The following CKAP5 variants were observed in gnomAD, a reference collection of about 807,000 sequenced individuals.
The protein encoded by CKAP5 is cytoskeleton-associated protein 5.
Under a neutral mutation model 232.8 loss-of-function variants are expected in CKAP5, and 27 were observed. The ratio of observed to expected loss-of-function variants is 0.12; its 90% confidence interval spans 0.09 to 0.16. CKAP5 has a LOEUF of 0.16. CKAP5 is among the 10% of genes least tolerant of loss of function. CKAP5 has a pLI of 1.00. For missense variants in CKAP5, 1,838 were observed against 2,424.7 expected, an observed-to-expected ratio of 0.76 and a Z score of 5.08; for synonymous variants, 785 against 841.1, an observed-to-expected ratio of 0.93 and a Z score of 1.16.
At chr11:46,781,271 ATATCT>A (rs545150179) in intron 18 of CKAP5, among the ~76,000 whole-genome samples, 2 of 152,240 alleles carry the variant, frequency 1.3e-5, no homozygotes, top group African/African-American at 4.8e-5. Flanking sequence ...TACTTTTTAA[ATATCT>A]TATCAGTTAT....
chr11:46,744,658 A>G, intron 42 of CKAP5, 81 bp from the exon 43 acceptor site: 2 of 1,291,096 alleles, frequency 1.5e-6, no homozygotes, highest in Non-Finnish European at 2.2e-6. Context: ...TCCCACCAAA[A>G]AGAACAATTA....
chr11:46,769,850 A>T, intron 26 of CKAP5, 113 bp downstream of exon 26: 1 of 1,162,320 alleles, frequency 8.6e-7, no homozygotes, highest in East Asian at 2.4e-5. Context: ...AAGGAAGGAG[A>T]GCTTGGATCT....
intron 18 of CKAP5, 45 bp downstream of exon 18, chr11:46,783,229 G>A: frequency 9.0e-7 from 1 of 1,113,258 alleles, no homozygotes; most frequent in South Asian, 1.3e-5. Context: ...CTTAGAGACT[G>A]ACAGAACATT....
chr11:46,838,653 G>A lies in CKAP5; in HGVS notation c.-38+7567C>T, dbSNP rs541708435. On this transcript the variant is annotated intron_variant, in intron 1 of 43. Transcript: ENST00000529230. ...AAAAAAAAAAAAAAAAAAATTAGCC[G>A]GGTGTGGTGGCACTCGCCTGTAGTC... Among the ~76,000 whole-genome samples the A allele has an allele frequency of 5.0e-3, 730 of 147,402 alleles. 5 individuals carry two copies. The highest frequency in any genetic ancestry group is 0.018 in the African/African-American group (702 of 39,964).
intron 16 of CKAP5, among the ~76,000 whole-genome samples, chr11:46,785,478 C>T (rs751054577): frequency 2.0e-5 from 3 of 152,046 alleles, no homozygotes; most frequent in South Asian, 2.1e-4. Context: ...TACAGGCGCC[C>T]GCCACCACGC....
chr11:46,777,897 CA>C (rs1471009339), intron 22 of CKAP5, among the ~76,000 whole-genome samples: 1 of 152,124 alleles, frequency 6.6e-6, no homozygotes, highest in Non-Finnish European at 1.5e-5. Context: ...CAGTTTTATA[CA>C]AATATATTCA....
intron 1 of CKAP5, among the ~76,000 whole-genome samples, chr11:46,835,825 T>G (rs371256922): frequency 6.6e-6 from 1 of 152,162 alleles, no homozygotes; most frequent in Non-Finnish European, 1.5e-5. Context: ...AGAATAGCTA[T>G]AGAAAGGGAA....
chr11:46,759,091 C>A, intron 34 of CKAP5, 48 bp from the exon 35 acceptor site: 1 of 1,600,972 alleles, frequency 6.2e-7, no homozygotes, highest in South Asian at 1.1e-5. Context: ...TACAAGACAT[C>A]CCAGTCAGTT....
chr11:46,844,404 C>G (rs912747899), intron 1 of CKAP5, among the ~76,000 whole-genome samples: 5 of 151,866 alleles, frequency 3.3e-5, no homozygotes, highest in Non-Finnish European at 7.4e-5. Flanking sequence ...TACAATAAAC[C>G]GTGAAGGTAA....
At chr11:46,802,531 A>AAGACAGAC (rs1179976752) in intron 8 of CKAP5, among the ~76,000 whole-genome samples, 2 of 146,268 alleles carry the variant, frequency 1.4e-5, no homozygotes, top group African/African-American at 5.4e-5. Context: ...GTACCAGAGC[A>AAGACAGAC]AGACAGACAG....
chr11:46,759,481 C>T (rs1195982430), intron 33 of CKAP5, 39 bp from the exon 34 acceptor site: 3 of 1,581,754 alleles, frequency 1.9e-6, no homozygotes, highest in Non-Finnish European at 2.6e-6. Flanking sequence ...CTAAAAGAGA[C>T]TTCTTAACCA....
At chr11:46,753,107 A>G (rs575063426) in intron 37 of CKAP5, 7 of 477,994 alleles carry the variant, frequency 1.5e-5, no homozygotes, top group South Asian at 4.4e-5. Context: ...ATGATGAAGA[A>G]GAGTAATAAA....
chr11:46,774,011 G>A (rs2065271079), intron 24 of CKAP5, among the ~76,000 whole-genome samples: 1 of 152,136 alleles, frequency 6.6e-6, no homozygotes, highest in Non-Finnish European at 1.5e-5. Flanking sequence ...ATTATTGGAA[G>A]TTCTAGCCAG....
At chr11:46,803,253 G>T (rs534226368) in intron 8 of CKAP5, among the ~76,000 whole-genome samples, 1 of 151,862 alleles carries the variant, frequency 6.6e-6, no homozygotes, top group African/African-American at 2.4e-5. Flanking sequence ...GACAGAGCGA[G>T]ACACTATCTC....
chr11:46,788,079 C>T (rs996265933), intron 16 of CKAP5, among the ~76,000 whole-genome samples: 1 of 152,172 alleles, frequency 6.6e-6, no homozygotes, highest in Non-Finnish European at 1.5e-5. Flanking sequence ...AATACATGTA[C>T]CATTCAAAAT....
chr11:46,780,362 G>C, intron 19 of CKAP5, 43 bp from the exon 20 acceptor site: 2 of 1,613,512 alleles, frequency 1.2e-6, no homozygotes, highest in Non-Finnish European at 1.7e-6. Context: ...CACAAAGATG[G>C]CAATAATAAC....
chr11:46,839,625 TA>T (rs1363132399), intron 1 of CKAP5, among the ~76,000 whole-genome samples: 1 of 152,184 alleles, frequency 6.6e-6, no homozygotes, highest in African/African-American at 2.4e-5. Flanking sequence ...AGTACTTTTT[TA>T]AAAGGGGCTG....
rs1382573912 is a variant in CKAP5 at position 46,790,067 on chromosome 11, A to G, written c.1875+9T>C. The G allele has an allele frequency of 1.3e-6, 2 of 1,570,198 alleles. No homozygotes were observed. The highest frequency in any genetic ancestry group is 4.5e-5 in the East Asian group (2 of 44,534). ...TTTCTTTCACACTCAATTCTTCCCTATGCACTACCTTCTGGAACTCTTCCA... is the reference window on the plus strand; with the variant it reads ...TTTCTTTCACACTCAATTCTTCCCTGTGCACTACCTTCTGGAACTCTTCCA... On this transcript the variant is annotated intron_variant, in intron 15 of 43. Coordinates refer to ENST00000529230, the MANE Select transcript of CKAP5 (RefSeq NM_001008938.4).
chr11:46,823,619 A>G (rs573986440), intron 1 of CKAP5, among the ~76,000 whole-genome samples: 1 of 152,096 alleles, frequency 6.6e-6, no homozygotes, highest in East Asian at 1.9e-4. Context: ...ACAGGGTCTC[A>G]CTCTGTCACC....
Sources: gnomAD v4.1 joint callset for allele counts (sites outside exome capture counted in the v4.1 genomes callset) on GRCh38, gnomAD v4.1.1 for gene constraint, MANE v1.5 for transcripts, NCBI Gene and HGNC (gene_info 2026-07-23, HGNC 2026-07-21) for gene names.